The following PIK3R6 variants were observed in gnomAD, a reference collection of about 807,000 sequenced individuals.
The protein encoded by PIK3R6 is phosphoinositide 3-kinase regulatory subunit 6.
PIK3R6 carries 91 observed loss-of-function variants against 84.9 expected under a neutral mutation model. The ratio of observed to expected loss-of-function variants is 1.07; its 90% CI spans 0.90 to 1.28. The LOEUF is 1.28. Ranked by LOEUF, PIK3R6 falls within the 50% of genes most tolerant of loss-of-function variation. PIK3R6 has a pLI of 0.00. For missense variants in PIK3R6, 996 were observed against 985.1 expected (o/e 1.01, Z -0.15); for synonymous variants, 416 against 411.4 (o/e 1.01, Z -0.13).
At chr17:8,828,380 C>T (rs1394296604) in intron 11 of PIK3R6, among the ~76,000 whole-genome samples, 187 bp downstream of exon 11, 1 of 151,396 alleles carries the variant, frequency 6.6e-6, no homozygotes, top group Non-Finnish European at 1.5e-5. Flanking sequence ...ACGGAGCTAA[C>T]GAACACAAAG....
At chr17:8,825,739 G>A (rs1203356224) in intron 13 of PIK3R6, among the ~76,000 whole-genome samples, 1 of 152,196 alleles carries the variant, frequency 6.6e-6, no homozygotes, top group African/African-American at 2.4e-5. Flanking sequence ...GACATGGAAA[G>A]TGTTAAATTA....
At position 8,803,413 on chromosome 17, in the gene PIK3R6, A is replaced by G; in HGVS notation, c.2125T>C (p.Cys709Arg). 6.2e-7 allele frequency: 1 copy of G among 1,608,588 alleles called. No homozygotes were observed. The highest frequency in any genetic ancestry group is 8.5e-7 in the Non-Finnish European group (1 of 1,177,408). ...RDVVRFEVAP[C>R]PEPCSGAQKS... ...TGGGCCCCAGAACATGGTTCTGGGCAGGGAGCAACCTCGAATCTGTGGGTG... is the reference window on the plus strand; with the variant it reads ...TGGGCCCCAGAACATGGTTCTGGGCGGGGAGCAACCTCGAATCTGTGGGTG... Residue 709 changes from cysteine (C) to arginine (R), a missense_variant, in exon 20 of 20, where the codon TGC (cysteine) becomes CGC (arginine). Coordinates refer to ENST00000619866, the MANE Select transcript of PIK3R6 (RefSeq NM_001010855.4). This position sits in a 1 kb window ranked among gnomAD's most constrained non-coding sequence, Gnocchi z 5.0.
intron 9 of PIK3R6, among the ~76,000 whole-genome samples, chr17:8,830,928 G>A (rs1051900074): frequency 2.6e-5 from 4 of 151,648 alleles, no homozygotes; most frequent in Non-Finnish European, 5.9e-5. Context: ...TGGATCACGA[G>A]GTCAGGAGAT....
At chr17:8,861,791 C>T (rs1245293391) in intron 1 of PIK3R6, among the ~76,000 whole-genome samples, 1 of 152,178 alleles carries the variant, frequency 6.6e-6, no homozygotes, top group African/African-American at 2.4e-5. Flanking sequence ...TAGTACTGAA[C>T]CTGGCTGCTG....
At chr17:8,816,501 C>A (rs1369381633) in intron 18 of PIK3R6, among the ~76,000 whole-genome samples, 1 of 151,954 alleles carries the variant, frequency 6.6e-6, no homozygotes, top group East Asian at 1.9e-4. Context: ...GTAGATTTTG[C>A]AACATCACAA....
rs2088766786 is a variant in PIK3R6, at chr17:8,844,388, T to C, written c.14-4691A>G. The stretch of plus-strand genomic sequence containing the variant: ...TAGAGTTCATCCTAACCTTGGAATA[T>C]GAGAGGTTGAAGCTGGTTTTGATTT... On this transcript the variant is annotated intron_variant, in intron 2 of 19. Transcript: ENST00000619866. This position sits in a 1 kb window ranked among gnomAD's most constrained non-coding sequence, Gnocchi z 4.5. Among the ~76,000 whole-genome samples, 1 of 152,160 alleles carries C rather than the reference T, an allele frequency of 6.6e-6. No homozygotes were observed. The highest frequency in any genetic ancestry group is 6.5e-5 in the Admixed American group (1 of 15,284).
In PIK3R6 at chr17:8,828,911, G is replaced by A; in HGVS notation, c.969C>T (p.Gly323=). The A allele has an allele frequency of 6.5e-7, 1 of 1,543,948 alleles. No homozygotes were observed. The highest frequency in any genetic ancestry group is 8.7e-7 in the Non-Finnish European group (1 of 1,146,242). ...GGGCCAACTCCCGGTCCGGCCGGAG[G>A]CCCTGCAGATCCAAGACCTCCAAGT... The part of the protein sequence containing the change: ...SADLEVLDLQ[G]LRPDRELARV... Residue 323 remains glycine, a synonymous_variant, in exon 11 of 20, where the codon GGC becomes GGT. Coordinates refer to ENST00000619866, the MANE Select transcript of PIK3R6 (RefSeq NM_001010855.4).
intron 18 of PIK3R6, among the ~76,000 whole-genome samples, chr17:8,806,245 C>G (rs1228903035): frequency 6.6e-6 from 1 of 152,220 alleles, no homozygotes; most frequent in East Asian, 1.9e-4. Flanking sequence ...GGTTAGGTGA[C>G]TGGGGATCGA....
At chr17:8,824,078 T>A (rs530288320) in intron 13 of PIK3R6, among the ~76,000 whole-genome samples, 1 of 152,310 alleles carries the variant, frequency 6.6e-6, no homozygotes, top group African/African-American at 2.4e-5. Flanking sequence ...GAGACCAGCC[T>A]GACCAACATG....
intron 10 of PIK3R6, among the ~76,000 whole-genome samples, chr17:8,829,317 T>A (rs891504685): frequency 1.5e-5 from 2 of 137,776 alleles, no homozygotes; most frequent in Admixed American, 7.3e-5. Flanking sequence ...GACACACGCA[T>A]GCACGCATAC....
intron 10 of PIK3R6, among the ~76,000 whole-genome samples, chr17:8,829,254 C>G (rs954007672): frequency 4.0e-5 from 6 of 149,934 alleles, no homozygotes; most frequent in Non-Finnish European, 7.4e-5. Flanking sequence ...TGCATGCACG[C>G]ATACACACAC....
intron 12 of PIK3R6, among the ~76,000 whole-genome samples, chr17:8,827,670 A>G (rs1179801001): frequency 1.3e-5 from 2 of 149,648 alleles, no homozygotes; most frequent in African/African-American, 4.9e-5. Context: ...ACTGCCTGCA[A>G]TTTCCTTTCA....
chr17:8,825,107 A>G (rs2087874968), intron 13 of PIK3R6, among the ~76,000 whole-genome samples: 1 of 152,222 alleles, frequency 6.6e-6, no homozygotes. Context: ...AAGAAACACT[A>G]TCACACACGA....
chr17:8,859,470 C>T (rs1474993912), intron 1 of PIK3R6, among the ~76,000 whole-genome samples: 1 of 152,212 alleles, frequency 6.6e-6, no homozygotes, highest in Non-Finnish European at 1.5e-5. Flanking sequence ...TATGTGTCAA[C>T]TTGACCAGGC....
At position 8,828,224 on chromosome 17, in the gene PIK3R6, G is replaced by C. The variant is rs779466054; in HGVS notation, c.1314-34C>G. ...GGGCAGCAAAGCAGAGGAGGTTAGG[G>C]GCGGGGCTTGGCTTCAAACAGACTC... is the stretch of plus-strand genomic sequence containing the variant. On this transcript the variant is annotated intron_variant, in intron 11 of 19. Transcript: ENST00000619866. 23 of 1,597,560 alleles carry C rather than the reference G, an allele frequency of 1.4e-5. No individual in the cohort carries two copies. The Admixed American group carries it at 3.5e-4, about 24-fold the overall frequency.
intron 18 of PIK3R6, among the ~76,000 whole-genome samples, chr17:8,815,791 G>A (rs1237860667): frequency 6.6e-6 from 1 of 152,088 alleles, no homozygotes; most frequent in Non-Finnish European, 1.5e-5. Flanking sequence ...ACAGAAATAG[G>A]GAAGACCACA....
rs1017703565 is a variant in PIK3R6 at position 8,839,624 on chromosome 17, C to T, written c.87G>A (p.Gln29=). 1.3e-6 allele frequency: 2 copies of T among 1,571,334 alleles called. No homozygotes were observed. Among genetic ancestry groups the T allele is most frequent in the African/African-American group, 1.3e-5 (1 of 74,092 alleles). The change falls in exon 3 of 20, where the codon CAG becomes CAA. Residue 29 remains glutamine, a synonymous_variant. Transcript: ENST00000619866. This position sits in a 1 kb window ranked among gnomAD's most constrained non-coding sequence, Gnocchi z 4.2. Reference sequence around the variant, plus strand: ...CCAGCTGGCTCTTACCTTGGTTGCTCTGCAGGGCAGGGGCCTGGGTGCTGA... The same window carrying T: ...CCAGCTGGCTCTTACCTTGGTTGCTTTGCAGGGCAGGGGCCTGGGTGCTGA... ...RELSTQAPAL[Q]SNQGMWRWSL...
At position 8,842,023 on chromosome 17, in the gene PIK3R6, G is replaced by T. The variant is rs1251436076; in HGVS notation, c.14-2326C>A. The stretch of plus-strand genomic sequence containing the variant: ...AGAACTGGTTGTTAAAAAGAGCCCG[G>T]CACCTTCCCCCTCTCTCTTGCTTCA... On this transcript the variant is annotated intron_variant, in intron 2 of 19. Transcript: ENST00000619866. This position sits in a 1 kb window ranked among gnomAD's most constrained non-coding sequence, Gnocchi z 4.5. Among the ~76,000 whole-genome samples the T allele has an allele frequency of 6.6e-6, 1 of 151,998 alleles. No individual in the cohort carries two copies. Among genetic ancestry groups the T allele is most frequent in the Admixed American group, 6.6e-5 (1 of 15,248 alleles).
intron 1 of PIK3R6, among the ~76,000 whole-genome samples, chr17:8,865,086 C>T (rs1324854523): frequency 6.6e-6 from 1 of 152,154 alleles, no homozygotes; most frequent in Non-Finnish European, 1.5e-5. Flanking sequence ...ACAGCTGCTG[C>T]TCCCTGTTGT....
Sources: allele counts gnomAD v4.1 joint callset (sites outside exome capture counted in the v4.1 genomes callset), GRCh38; gene constraint gnomAD v4.1.1; non-coding constraint Gnocchi (gnomAD v3.1); transcripts MANE v1.5; gene names NCBI Gene and HGNC (gene_info 2026-07-23, HGNC 2026-07-21).